The following GPATCH2 variants were observed in gnomAD, a reference collection of about 807,000 sequenced individuals.
GPATCH2 encodes the protein G-patch domain containing 2.
In GPATCH2, 51 loss-of-function variants were observed where a neutral mutation model predicts 58.0. The ratio of observed to expected loss-of-function variants is 0.88; its 90% CI spans 0.70 to 1.11. The LOEUF (loss-of-function observed/expected upper bound fraction) is 1.11, where lower values mean the gene tolerates loss of function less well. Ranked by LOEUF, GPATCH2 falls within the 50% of genes most tolerant of loss-of-function variation. The probability of loss-of-function intolerance (pLI) is 0.00; values close to 1 mark genes in which losing one functional copy is unlikely to be tolerated. For synonymous variants in GPATCH2, 222 were observed against 218.5 expected, an observed-to-expected ratio of 1.02 and a Z score of -0.14; for missense variants, 625 against 652.2, an observed-to-expected ratio of 0.96 and a Z score of 0.45.
At chr1:217,549,639 C>A (rs1387916986) in intron 5 of GPATCH2, among the ~76,000 whole-genome samples, 1 of 152,136 alleles carries the variant, frequency 6.6e-6, no homozygotes, top group Non-Finnish European at 1.5e-5. Flanking sequence ...ACTCATTCAA[C>A]AAGCATTTGC....
intron 5 of GPATCH2, among the ~76,000 whole-genome samples, chr1:217,591,495 C>G (rs1691172795): frequency 6.6e-6 from 1 of 151,988 alleles, no homozygotes; most frequent in Admixed American, 6.6e-5. Flanking sequence ...ACAAAAGGAC[C>G]AGAAATAACT....
chr1:217,627,116 TTTATTCA>T (rs1669506920), intron 1 of GPATCH2, among the ~76,000 whole-genome samples: 1 of 152,082 alleles, frequency 6.6e-6, no homozygotes, highest in Non-Finnish European at 1.5e-5. Flanking sequence ...TCTGATTCTG[TTTATTCA>T]TCATAAAAAT....
At chr1:217,625,851 G>C (rs1440250340) in intron 1 of GPATCH2, among the ~76,000 whole-genome samples, 2 of 152,120 alleles carry the variant, frequency 1.3e-5, no homozygotes, top group East Asian at 3.9e-4. Context: ...GGCCGTGGTG[G>C]TGCACACCTG....
intron 5 of GPATCH2, among the ~76,000 whole-genome samples, chr1:217,563,256 A>G (rs1217892844): frequency 3.9e-5 from 6 of 152,196 alleles, no homozygotes; most frequent in Non-Finnish European, 8.8e-5. Flanking sequence ...TCCTTGAAGT[A>G]ATGAATTGCA....
intron 6 of GPATCH2, among the ~76,000 whole-genome samples, chr1:217,504,444 T>C (rs2102559255): frequency 6.6e-6 from 1 of 152,314 alleles, no homozygotes; most frequent in Non-Finnish European, 1.5e-5. Flanking sequence ...TCAGAGGTCC[T>C]TGAGAAAAGG....
intron 5 of GPATCH2, among the ~76,000 whole-genome samples, chr1:217,554,026 C>T (rs550055436): frequency 1.3e-5 from 2 of 152,312 alleles, no homozygotes; most frequent in Admixed American, 6.5e-5. Context: ...ACCAACTGGA[C>T]GCTTCAGCGC....
chr1:217,596,764 T>G (rs1474774738), intron 5 of GPATCH2, among the ~76,000 whole-genome samples: 1 of 152,166 alleles, frequency 6.6e-6, no homozygotes, highest in East Asian at 1.9e-4. Flanking sequence ...AGAAGCTCTA[T>G]TTGTACAGAT....
At chr1:217,559,563 T>C (rs1041921698) in intron 5 of GPATCH2, among the ~76,000 whole-genome samples, 5 of 152,008 alleles carry the variant, frequency 3.3e-5, no homozygotes, top group Non-Finnish European at 7.3e-5. Flanking sequence ...TACAAACATA[T>C]AAGCTAGCTT....
At chr1:217,463,733 T>C (rs2818973) in intron 8 of GPATCH2, among the ~76,000 whole-genome samples, 35,391 of 146,450 alleles carry the variant, frequency 0.24, 5,632 homozygotes, top group African/African-American at 0.47. Context: ...GGCACAAAGA[T>C]AGCTTGAGCC....
chr1:217,478,042 C>T (rs1011228920), intron 8 of GPATCH2, among the ~76,000 whole-genome samples: 6 of 152,220 alleles, frequency 3.9e-5, no homozygotes, highest in South Asian at 2.1e-4. Flanking sequence ...AGATCTTGTC[C>T]GAGACTATCA....
chr1:217,619,094 A>G (rs1195002194), intron 2 of GPATCH2, among the ~76,000 whole-genome samples: 1 of 152,226 alleles, frequency 6.6e-6, no homozygotes, highest in Non-Finnish European at 1.5e-5. Flanking sequence ...AAAAGGAAAA[A>G]GTGTTAATAC....
chr1:217,544,314 C>G (rs1664915261), intron 5 of GPATCH2, among the ~76,000 whole-genome samples: 1 of 152,104 alleles, frequency 6.6e-6, no homozygotes. Flanking sequence ...GTCACCTGAA[C>G]CCAGGAAGGC....
intron 5 of GPATCH2, among the ~76,000 whole-genome samples, chr1:217,535,385 A>G (rs1471586694): frequency 6.6e-6 from 1 of 152,080 alleles, no homozygotes. Flanking sequence ...GATTATTATT[A>G]TGATTTTTTT....
chr1:217,531,600 C>A (rs943946175), intron 5 of GPATCH2, among the ~76,000 whole-genome samples: 1 of 152,148 alleles, frequency 6.6e-6, no homozygotes, highest in African/African-American at 2.4e-5. Context: ...ATATAATTTA[C>A]TCAGTGCTTT....
Position 217,430,249 on chromosome 1 carries a change from T to C in GPATCH2, c.*896A>G, listed in dbSNP as rs1379260239. 1.3e-5 allele frequency: 2 copies of C among 152,172 alleles called. No homozygotes were observed. Among genetic ancestry groups the C allele is most frequent in the Non-Finnish European group, 2.9e-5 (2 of 68,024 alleles). The allele number at this position is 152,172 out of a possible 1,614,324, so 9.4% of individuals were successfully genotyped here. On this transcript the variant is annotated 3_prime_UTR_variant, in exon 10 of 10. Transcript: ENST00000366935. ...GAGCCATTTAACTTTTCATGTAAAT[T>C]GATTCAATATTGTAATAAATTACTC...
At chr1:217,519,289 A>G (rs1015514647) in intron 5 of GPATCH2, among the ~76,000 whole-genome samples, 14 of 152,220 alleles carry the variant, frequency 9.2e-5, no homozygotes, top group Non-Finnish European at 1.6e-4. Flanking sequence ...AATATTACAG[A>G]ATGGTCACAA....
chr1:217,451,483 T>C (rs1659663562), intron 8 of GPATCH2, among the ~76,000 whole-genome samples: 1 of 152,236 alleles, frequency 6.6e-6, no homozygotes, highest in Non-Finnish European at 1.5e-5. Flanking sequence ...CATATACACT[T>C]GAGCTTCTTT....
chr1:217,474,771 C>T (rs181086438), intron 8 of GPATCH2, among the ~76,000 whole-genome samples: 262 of 152,162 alleles, frequency 1.7e-3, no homozygotes, highest in African/African-American at 5.9e-3. Context: ...AATGACCCTA[C>T]AATTTATTGA....
chr1:217,474,284 A>T (rs1190607998), intron 8 of GPATCH2, among the ~76,000 whole-genome samples: 1 of 152,202 alleles, frequency 6.6e-6, no homozygotes, highest in Non-Finnish European at 1.5e-5. Flanking sequence ...CATAGAAAGG[A>T]TTAAAATAGT....
Sources: allele counts gnomAD v4.1 joint callset (sites outside exome capture counted in the v4.1 genomes callset), GRCh38; gene constraint gnomAD v4.1.1; transcripts MANE v1.5; gene names NCBI Gene and HGNC (gene_info 2026-07-23, HGNC 2026-07-21).